The following SKP2 variants were observed in gnomAD, a reference collection of about 807,000 sequenced individuals.
SKP2 encodes S-phase kinase associated protein 2.
SKP2 carries 16 observed loss-of-function variants against 51.8 expected under a neutral mutation model. The observed-to-expected ratio is 0.31, with a 90% CI of 0.21 to 0.47. SKP2 has a LOEUF of 0.47. Among genes scored for constraint, SKP2 ranks in the 20% least tolerant of loss-of-function variants. The pLI, the probability that SKP2 is intolerant of heterozygous loss-of-function variation, is 1.00. For missense variants in SKP2, 377 were observed against 505.3 expected, an observed-to-expected ratio of 0.75 and a Z score of 2.43; for synonymous variants, 176 against 198.6, an observed-to-expected ratio of 0.89 and a Z score of 0.96.
At chr5:36,180,947 A>T (rs970691586) in intron 9 of SKP2, among the ~76,000 whole-genome samples, 8 of 152,186 alleles carry the variant, frequency 5.3e-5, no homozygotes, top group Admixed American at 1.3e-4. Context: ...AACAGAGATG[A>T]GAGAGATGAA....
Position 36,182,282 on chromosome 5 carries a change from A to C in SKP2, c.*251A>C. On this transcript the variant is annotated 3_prime_UTR_variant, in exon 10 of 10. Transcript: ENST00000274255. ...TTTGAAATTTTAGGAGAGTGAGCCT[A>C]TAATTTCAAGATACCTTAAAGAGCA... is the stretch of plus-strand genomic sequence containing the variant. 1.6e-6 allele frequency: 2 copies of C among 1,244,564 alleles called. No individual in the cohort carries two copies. The highest frequency in any genetic ancestry group is 2.6e-5 in the South Asian group (1 of 38,930). 77.1% of individuals were successfully genotyped at this position (1,244,564 alleles called of 1,614,324 possible).
chr5:36,156,620 G>T (rs1220146950), intron 2 of SKP2, among the ~76,000 whole-genome samples: 3 of 152,144 alleles, frequency 2.0e-5, no homozygotes, highest in Non-Finnish European at 2.9e-5. Flanking sequence ...GCGGAAAGGG[G>T]ACAATTGCAT....
At chr5:36,185,736 G>A (rs575789015), downstream of SKP2, among the ~76,000 whole-genome samples, 1 of 152,292 alleles carries the variant, frequency 6.6e-6, no homozygotes, top group East Asian at 1.9e-4. Context: ...GGCAATACGG[G>A]CTCTTTTTTG....
At chr5:36,154,756 G>T (rs996849849) in intron 2 of SKP2, among the ~76,000 whole-genome samples, 10 of 152,124 alleles carry the variant, frequency 6.6e-5, no homozygotes, top group African/African-American at 2.4e-4. Flanking sequence ...GCCCAGGCTG[G>T]TCTCAAACTC....
In SKP2 at chr5:36,152,168, A is replaced by T; in HGVS notation, c.-95A>T. 1 of 1,347,258 alleles carries T rather than the reference A, an allele frequency of 7.4e-7. No individual in the cohort carries two copies. The highest frequency in any genetic ancestry group is 1.1e-6 in the Non-Finnish European group (1 of 939,112). The allele number at this position is 1,347,258 out of a possible 1,614,324, so 83.5% of individuals were successfully genotyped here. On this transcript the variant is annotated 5_prime_UTR_variant, in exon 1 of 10. Coordinates refer to ENST00000274255, the MANE Select transcript of SKP2 (RefSeq NM_005983.4). ...TCTGGCTGCTGGGGGCCCGAGCAGCACGCTCGGAGCCGCCGCGCGCCAAAG... is the reference window on the plus strand; with the variant it reads ...TCTGGCTGCTGGGGGCCCGAGCAGCTCGCTCGGAGCCGCCGCGCGCCAAAG...
At chr5:36,180,854 G>A (rs997015181) in intron 9 of SKP2, among the ~76,000 whole-genome samples, 1 of 152,188 alleles carries the variant, frequency 6.6e-6, no homozygotes, top group Non-Finnish European at 1.5e-5. Flanking sequence ...TGTGCTCATT[G>A]ATCTGTAGTA....
At chr5:36,184,937 T>C (rs1745931286), downstream of SKP2, among the ~76,000 whole-genome samples, 1 of 152,224 alleles carries the variant, frequency 6.6e-6, no homozygotes, top group Non-Finnish European at 1.5e-5. Context: ...GTTTCCTGAC[T>C]TTTTAATGAT....
rs1341545162 is a variant in SKP2 at position 36,168,415 on chromosome 5, G to A, written c.639G>A (p.Leu213=). The A allele has an allele frequency of 1.2e-6, 2 of 1,614,062 alleles. No homozygotes were observed. The highest frequency in any genetic ancestry group is 3.3e-5 in the Admixed American group (2 of 60,006). The change falls in exon 5 of 10, where the codon CTG becomes CTA. Residue 213 remains leucine, a synonymous_variant. Transcript: ENST00000274255. ...SQCSKLQNLS[L]EGLRLSDPIV... ...GTTCCAAGTTGCAGAATCTAAGCCT[G>A]GAAGGCCTGCGGCTTTCGGATCCCA... is the stretch of plus-strand genomic sequence containing the variant.
intron 7 of SKP2, among the ~76,000 whole-genome samples, chr5:36,176,547 TA>T (rs1745638616): frequency 6.6e-6 from 1 of 151,844 alleles, no homozygotes; most frequent in Non-Finnish European, 1.5e-5. Flanking sequence ...GTTGGAGAAA[TA>T]TTTTTTTCCA....
chr5:36,161,292 T>TA (rs5867306), intron 2 of SKP2, among the ~76,000 whole-genome samples: 82,353 of 140,800 alleles, frequency 0.58, 27,767 homozygotes, highest in Non-Finnish European at 0.77. Flanking sequence ...CAAAAATTGT[T>TA]AAAAAAAAAA....
Position 36,168,419 on chromosome 5 carries a change from G to A in SKP2, c.643G>A (p.Gly215Ser), listed in dbSNP as rs1745361759. Residue 215 changes from glycine to serine, a missense_variant, in exon 5 of 10, where the codon GGC becomes AGC. Around this residue, in one of 2 missense-constraint regions of SKP2, gnomAD observed 262 missense variants for 389.8 expected, o/e 0.67. Transcript: ENST00000274255. ...CSKLQNLSLE[G>S]LRLSDPIVNT... ...CAAGTTGCAGAATCTAAGCCTGGAA[G>A]GCCTGCGGCTTTCGGATCCCATTGT... 6.2e-7 allele frequency: 1 copy of A among 1,614,196 alleles called. No homozygotes were observed. Among genetic ancestry groups the A allele is most frequent in the East Asian group, 2.2e-5 (1 of 44,880 alleles).
intron 7 of SKP2, among the ~76,000 whole-genome samples, chr5:36,173,561 T>G (rs1460747894): frequency 6.6e-6 from 1 of 152,176 alleles, no homozygotes; most frequent in African/African-American, 2.4e-5. Flanking sequence ...ATCGAGGCTC[T>G]GGGTGCAAGG....
chr5:36,175,166 A>T (rs1745592759), intron 7 of SKP2, among the ~76,000 whole-genome samples: 1 of 152,118 alleles, frequency 6.6e-6, no homozygotes, highest in Non-Finnish European at 1.5e-5. Flanking sequence ...TTTAAAAACC[A>T]ACATCATGAG....
intron 4 of SKP2, among the ~76,000 whole-genome samples, chr5:36,167,147 G>A (rs1250524536): frequency 1.3e-5 from 2 of 152,032 alleles, no homozygotes; most frequent in African/African-American, 2.4e-5. Flanking sequence ...AGAATATTTT[G>A]AAAAAGAATT....
At chr5:36,157,670 G>GCA (rs1744996856) in intron 2 of SKP2, among the ~76,000 whole-genome samples, 1 of 152,054 alleles carries the variant, frequency 6.6e-6, no homozygotes, top group African/African-American at 2.4e-5. Context: ...TGAAAGAAAT[G>GCA]CACACACACA....
Position 36,182,081 on chromosome 5 carries a change from A to G in SKP2, c.*50A>G. On this transcript the variant is annotated 3_prime_UTR_variant, in exon 10 of 10. Transcript: ENST00000274255. ...CTTCTTTAGAACAGGGAAAATAGGC[A>G]GGAAGCCCAATTGCTGGAGTACTTA... The G allele has an allele frequency of 6.3e-7, 1 of 1,593,916 alleles. No homozygotes were observed. The highest frequency in any genetic ancestry group is 8.6e-7 in the Non-Finnish European group (1 of 1,168,122).
chr5:36,168,323 G>T lies in SKP2; in HGVS notation c.547G>T (p.Val183Leu), dbSNP rs756267784. 1.9e-6 allele frequency: 3 copies of T among 1,613,746 alleles called. No individual in the cohort carries two copies. The highest frequency in any genetic ancestry group is 2.2e-5 in the East Asian group (1 of 44,888). ...PLAEHFSPFR[V>L]QHMDLSNSVI... ...TCTCTCCGTGTTTAGCCCTTTTCGTGTACAGCACATGGACCTATCGAACTC... is the reference window on the plus strand; with the variant it reads ...TCTCTCCGTGTTTAGCCCTTTTCGTTTACAGCACATGGACCTATCGAACTC... The change falls in exon 5 of 10, where the codon GTA (valine) becomes TTA (leucine). Residue 183 changes from valine to leucine, a missense_variant. Physicochemically the swap from Val to Leu is conservative, Grantham distance 32 (BLOSUM62 1). Coordinates refer to ENST00000274255, the MANE Select transcript of SKP2 (RefSeq NM_005983.4).
rs1326195279 is a variant in SKP2, at chr5:36,184,296, T to C, written c.*2265T>C. On this transcript the variant is annotated 3_prime_UTR_variant, in exon 10 of 10. Coordinates refer to ENST00000274255, the MANE Select transcript of SKP2 (RefSeq NM_005983.4). The stretch of plus-strand genomic sequence containing the variant: ...TTAAATTATACTTTAAGTTCTAGGG[T>C]ACATGTGCACAACGTGCAGGTTTGT... 1 of 187,754 alleles carries C rather than the reference T, an allele frequency of 5.3e-6. No homozygotes were observed. The highest frequency in any genetic ancestry group is 1.1e-5 in the Non-Finnish European group (1 of 91,678). The allele number at this position is 187,754 out of a possible 1,614,324, so 11.6% of individuals were successfully genotyped here. A position where few individuals can be genotyped will look rare whatever the true frequency, so the allele number is the denominator to read the frequency against.
At chr5:36,191,155 T>C (rs1271940372) in intron 6 of SKP2, among the ~76,000 whole-genome samples, 1 of 152,180 alleles carries the variant, frequency 6.6e-6, no homozygotes, top group East Asian at 1.9e-4. Context: ...CATAAACTGG[T>C]GGTTAGATCT....
Sources: allele counts gnomAD v4.1 joint callset (sites outside exome capture counted in the v4.1 genomes callset), GRCh38; gene constraint gnomAD v4.1.1; regional missense constraint gnomAD v4.1.1; transcripts MANE v1.5; gene names NCBI Gene and HGNC (gene_info 2026-07-23, HGNC 2026-07-21).